Variants in LRRC56 observed in about 807,000 individuals in gnomAD.
LRRC56 encodes the protein leucine-rich repeat-containing protein 56.
Under a neutral mutation model 47.8 loss-of-function variants are expected in LRRC56, and 41 were observed. That is an observed-to-expected ratio of 0.86 (90% CI 0.67 to 1.11). LRRC56 has a LOEUF of 1.11. LRRC56 is among the 50% of genes most tolerant of loss of function. The probability of loss-of-function intolerance (pLI) is 0.00; values close to 1 mark genes in which losing one functional copy is unlikely to be tolerated. For synonymous variants in LRRC56, 387 were observed against 311.2 expected, an observed-to-expected ratio of 1.24 and a Z score of -2.56; for missense variants, 759 against 704.2, an observed-to-expected ratio of 1.08 and a Z score of -0.88.
the LRRC56 span, among the ~76,000 whole-genome samples, chr11:525,436 G>A: frequency 6.6e-6 from 1 of 152,076 alleles, no homozygotes; most frequent in African/African-American, 2.4e-5. Flanking sequence ...CTACTCGGGA[G>A]GCTGAGGCAG....
rs191990191 is a variant in LRRC56 at position 547,361 on chromosome 11, T to C, written c.327-2541T>C. Among the ~76,000 whole-genome samples, 22 of 151,674 alleles carry C rather than the reference T, an allele frequency of 1.5e-4. No homozygotes were observed. In the East Asian group the frequency reaches 4.3e-3, roughly 29 times the overall value. On this transcript the variant is annotated intron_variant, in intron 6 of 13. Transcript: ENST00000270115. Reference sequence around the variant, plus strand: ...AATAAGCCTCTATTATTTTGTGTTTTTTTTTGTTTTGAGACAGAGTCTCAC... The same window carrying C: ...AATAAGCCTCTATTATTTTGTGTTTCTTTTTGTTTTGAGACAGAGTCTCAC...
chr11:521,696 C>G, the LRRC56 span, among the ~76,000 whole-genome samples: 1 of 152,146 alleles, frequency 6.6e-6, no homozygotes, highest in African/African-American at 2.4e-5. Flanking sequence ...GGGCAGATCA[C>G]GAGGTCAGGA....
At chr11:550,657 C>A (rs1268623276) in intron 8 of LRRC56, among the ~76,000 whole-genome samples, 1 of 152,210 alleles carries the variant, frequency 6.6e-6, no homozygotes, top group Admixed American at 6.5e-5. Context: ...TATGCAGTAT[C>A]TCGGGGCTCT....
chr11:534,759 C>T (rs1455955343), upstream of LRRC56, among the ~76,000 whole-genome samples: 1 of 152,246 alleles, frequency 6.6e-6, no homozygotes, highest in Non-Finnish European at 1.5e-5. Flanking sequence ...CACGGCGTGC[C>T]CGGGCAGGCT....
Position 551,821 on chromosome 11 carries a change from AC to A in LRRC56, c.970del (p.His324MetfsTer86). 6.2e-7 allele frequency: 1 copy of A among 1,606,296 alleles called. No homozygotes were observed. Among genetic ancestry groups the A allele is most frequent in the South Asian group, 1.1e-5 (1 of 90,676 alleles). On this transcript the variant is annotated frameshift_variant, in exon 10 of 14. Transcript: ENST00000270115. LOFTEE classifies it high-confidence loss of function. Reference sequence around the variant, plus strand: ...CCCAGAAGATAACACCAGCAGCCTCACCCATGGTAACTGACTTGCCTCAAAG... The same window carrying A: ...CCCAGAAGATAACACCAGCAGCCTCACCATGGTAACTGACTTGCCTCAAAG... ...LAPEDNTSSL[T>X]HGAGQVLCGN...
intron 13 of LRRC56, 76 bp from the exon 14 acceptor site, chr11:553,887 G>T (rs1328382098): frequency 2.8e-5 from 38 of 1,368,884 alleles, no homozygotes; most frequent in Non-Finnish European, 3.6e-5. Context: ...GCCACGGGTG[G>T]GCTGTGGCCT....
intron 13 of LRRC56, among the ~76,000 whole-genome samples, chr11:552,990 C>T (rs187188683): frequency 2.2e-4 from 34 of 152,296 alleles, no homozygotes; most frequent in African/African-American, 7.9e-4. Context: ...GAACAGAGTC[C>T]AGAGGAGTCG....
chr11:509,933 G>A, the LRRC56 span, among the ~76,000 whole-genome samples: 2 of 151,800 alleles, frequency 1.3e-5, no homozygotes, highest in Middle Eastern at 3.2e-3. Context: ...GGGAGTATAT[G>A]GAAGTATTCC....
chr11:551,595 C>CT (rs1852393809), intron 9 of LRRC56, 56 bp from the exon 10 acceptor site: 1 of 1,511,256 alleles, frequency 6.6e-7, no homozygotes, highest in Admixed American at 2.2e-5. Flanking sequence ...TGGACAGAGT[C>CT]TGGGGGGCGC....
rs146006511 is a variant in LRRC56, at chr11:549,625, G to A, written c.327-277G>A. Among the ~76,000 whole-genome samples, 1,091 of 152,356 alleles carry A rather than the reference G, an allele frequency of 7.2e-3. 11 individuals are homozygous for A. The highest frequency in any genetic ancestry group is 0.013 in the Admixed American group (201 of 15,308). ...GGTGATGCCTGCAGCCTGCCAGGGA[G>A]GGGACTGAGCCACCCACTATGAGGG... is the stretch of plus-strand genomic sequence containing the variant. On this transcript the variant is annotated intron_variant, in intron 6 of 13. Transcript: ENST00000270115.
chr11:527,375 C>T, the LRRC56 span, among the ~76,000 whole-genome samples: 1 of 152,198 alleles, frequency 6.6e-6, no homozygotes, highest in African/African-American at 2.4e-5. Flanking sequence ...CTGGGACTCA[C>T]GCATCTTCCC....
the LRRC56 span, among the ~76,000 whole-genome samples, chr11:516,692 A>C: frequency 2.6e-5 from 4 of 152,324 alleles, no homozygotes; most frequent in African/African-American, 9.6e-5. Flanking sequence ...TGATCCCAGC[A>C]CTTTGGGAGG....
chr11:516,931 C>G, the LRRC56 span, among the ~76,000 whole-genome samples: 4 of 152,234 alleles, frequency 2.6e-5, no homozygotes, highest in Admixed American at 2.6e-4. Flanking sequence ...CTTGCTGCAG[C>G]CTCCCTGCCC....
In LRRC56 at chr11:537,595, TGAGCCCTCAGGTGA is replaced by T. The variant is rs1851577029; in HGVS notation, c.-426_-422+9del. 6.6e-6 allele frequency: 1 copy of T among 152,286 alleles called. No homozygotes were observed. Among genetic ancestry groups the T allele is most frequent in the Non-Finnish European group, 1.5e-5 (1 of 68,094 alleles). 9.4% of individuals were successfully genotyped at this position (152,286 alleles called of 1,614,324 possible). ...AGCTGCCAGGGCCGGACACCTAGGC[TGAGCCCTCAGGTGA>T]GAGCCGAGCGCACCCTTGGGGTGGG... On this transcript the variant is annotated splice_donor_variant and splice_donor_region_variant and 5_prime_UTR_variant and intron_variant, in exon 1 of 14. Transcript: ENST00000270115. LOFTEE classifies it low-confidence loss of function (5UTR_SPLICE).
chr11:522,411 G>A, the LRRC56 span, among the ~76,000 whole-genome samples: 65 of 152,094 alleles, frequency 4.3e-4, no homozygotes, highest in African/African-American at 1.4e-3. Flanking sequence ...GACTACAGGC[G>A]GCCGCCACCA....
chr11:541,666 C>A lies in LRRC56; in HGVS notation c.265+42C>A. 8.0e-7 allele frequency: 1 copy of A among 1,247,166 alleles called. No individual in the cohort carries two copies. 77.3% of individuals were successfully genotyped at this position (1,247,166 alleles called of 1,614,324 possible). Reference sequence around the variant, plus strand: ...CCCGCCATGGCCACGGCCACGGCCACGCCTCCCTGTAAACAACACACGTTT... The same window carrying A: ...CCCGCCATGGCCACGGCCACGGCCAAGCCTCCCTGTAAACAACACACGTTT... On this transcript the variant is annotated intron_variant, in intron 5 of 13. Coordinates refer to ENST00000270115, the MANE Select transcript of LRRC56 (RefSeq NM_198075.4). This position sits in a 1 kb window ranked among gnomAD's most constrained non-coding sequence, Gnocchi z 4.1.
rs71022928 is a variant in LRRC56 at position 542,580 on chromosome 11, C to CAAAAAAAAAAAAAAAAAA, written c.265+963_265+980dup. Among the ~76,000 whole-genome samples the CAAAAAAAAAAAAAAAAAA allele has an allele frequency of 3.4e-3, 88 of 25,964 alleles. 3 individuals are homozygous for CAAAAAAAAAAAAAAAAAA. Among genetic ancestry groups the CAAAAAAAAAAAAAAAAAA allele is most frequent in the African/African-American group, 5.4e-3 (25 of 4,646 alleles). 17.0% of individuals were successfully genotyped at this position (25,964 alleles called of 152,430 possible). ...TGGGCGACAGAGCAAAACCCTGTCG[C>CAAAAAAAAAAAAAAAAAA]AAAAAAAAAAAAAAAAAAAAAAAAC... On this transcript the variant is annotated intron_variant, in intron 5 of 13. Transcript: ENST00000270115.
the LRRC56 span, among the ~76,000 whole-genome samples, chr11:514,294 A>AT: frequency 6.1e-4 from 88 of 143,632 alleles, no homozygotes; most frequent in African/African-American, 1.2e-3. Context: ...ACCCCCAGCC[A>AT]TTTTTTTTTT....
At chr11:518,636 A>G in the LRRC56 span, among the ~76,000 whole-genome samples, 1 of 152,050 alleles carries the variant, frequency 6.6e-6, no homozygotes, top group Non-Finnish European at 1.5e-5. Flanking sequence ...TGTTCACTTT[A>G]TTACTTGGAG....
Sources: gnomAD v4.1 joint callset for allele counts (sites outside exome capture counted in the v4.1 genomes callset) on GRCh38, gnomAD v4.1.1 for gene constraint, Gnocchi (gnomAD v3.1) non-coding constraint, MANE v1.5 for transcripts, NCBI Gene and HGNC (gene_info 2026-07-23, HGNC 2026-07-21) for gene names.